GABRG1: variants seen among roughly 807,000 people sequenced by gnomAD.
The protein encoded by GABRG1 is gamma-aminobutyric acid type A receptor subunit gamma1.
GABRG1 carries 49 observed loss-of-function variants against 49.8 expected under a neutral mutation model. That is an observed-to-expected ratio of 0.98 (90% confidence interval 0.78 to 1.25). The LOEUF (loss-of-function observed/expected upper bound fraction) is 1.25. Ranked by LOEUF, GABRG1 falls within the 50% of genes most tolerant of loss-of-function variation. The pLI is 0.00. For missense variants in GABRG1, 552 were observed against 552.3 expected, an observed-to-expected ratio of 1.00 and a Z score of 0.01; for synonymous variants, 232 against 185.1, an observed-to-expected ratio of 1.25 and a Z score of -2.06.
chr4:46,086,482 C>T (rs1719757876), intron 2 of GABRG1, among the ~76,000 whole-genome samples: 1 of 151,404 alleles, frequency 6.6e-6, no homozygotes, highest in South Asian at 2.1e-4. Context: ...ATATCTTTAG[C>T]AGATTATGTA....
chr4:46,083,473 T>C (rs1719645774), intron 3 of GABRG1, among the ~76,000 whole-genome samples: 1 of 151,794 alleles, frequency 6.6e-6, no homozygotes, highest in African/African-American at 2.4e-5. Flanking sequence ...ACAAGCTTCC[T>C]ATTATGATGG....
chr4:46,110,705 A>C (rs1216501918), intron 1 of GABRG1, among the ~76,000 whole-genome samples: 2 of 151,220 alleles, frequency 1.3e-5, no homozygotes, highest in African/African-American at 4.8e-5. Flanking sequence ...CACCATATGC[A>C]AATGAATAAA....
chr4:46,104,730 T>C (rs1348772562), intron 1 of GABRG1, among the ~76,000 whole-genome samples: 1 of 151,506 alleles, frequency 6.6e-6, no homozygotes, highest in African/African-American at 2.4e-5. Flanking sequence ...AAACTTCATT[T>C]GACAAATGTC....
intron 8 of GABRG1, among the ~76,000 whole-genome samples, chr4:46,042,499 G>A (rs771310207): frequency 4.0e-5 from 6 of 151,742 alleles, no homozygotes; most frequent in African/African-American, 1.2e-4. Context: ...TAAATATAGC[G>A]CCAATTTTAT....
chr4:46,083,418 C>A (rs1052005737), intron 3 of GABRG1, among the ~76,000 whole-genome samples: 1 of 151,668 alleles, frequency 6.6e-6, no homozygotes, highest in Non-Finnish European at 1.5e-5. Flanking sequence ...TGTTTCCTGT[C>A]ATTTATCTTC....
chr4:46,098,810 G>T (rs539139842), intron 1 of GABRG1, among the ~76,000 whole-genome samples: 31 of 151,716 alleles, frequency 2.0e-4, no homozygotes, highest in African/African-American at 7.2e-4. Flanking sequence ...ATAAAAACCT[G>T]GATATCACAT....
chr4:46,073,074 CA>C (rs1719196586), intron 3 of GABRG1, among the ~76,000 whole-genome samples: 2 of 151,130 alleles, frequency 1.3e-5, no homozygotes, highest in Middle Eastern at 3.4e-3. Flanking sequence ...AATAATTATC[CA>C]AAAACATGCC....
rs1419159793 is a variant in GABRG1, at chr4:46,092,405, T to C, written c.253+4796A>G. On this transcript the variant is annotated intron_variant, in intron 2 of 8. Transcript: ENST00000295452. The stretch of plus-strand genomic sequence containing the variant: ...CTTACTGATTTATGATTAAATCTAA[T>C]AAAGTGCATATTTTACTGACTAAAA... Among the ~76,000 whole-genome samples the C allele has an allele frequency of 2.6e-5, 4 of 152,176 alleles. No individual in the cohort carries two copies. In the East Asian group the frequency reaches 7.8e-4, roughly 30 times the overall value.
At chr4:46,062,168 T>C (rs1718721511) in intron 5 of GABRG1, among the ~76,000 whole-genome samples, 2 of 151,732 alleles carry the variant, frequency 1.3e-5, no homozygotes, top group Non-Finnish European at 2.9e-5. Flanking sequence ...AGAATGATGA[T>C]TTCCAATTTC....
rs200739987 is a variant in GABRG1 at position 46,041,291 on chromosome 4, A to T, written c.1132-37T>A. On this transcript the variant is annotated intron_variant, in intron 8 of 8. Coordinates refer to ENST00000295452, the MANE Select transcript of GABRG1 (RefSeq NM_173536.4). ...AATAAATGAATTTTTGACATCAAAA[A>T]AGTAGCATAAGGAAAGATCAATTTG... The T allele has an allele frequency of 2.0e-4, 326 of 1,598,962 alleles. No individual in the cohort carries two copies. In the African/African-American group the frequency reaches 3.9e-3, roughly 19 times the overall value.
intron 1 of GABRG1, among the ~76,000 whole-genome samples, chr4:46,109,818 G>A (rs1720664303): frequency 2.0e-5 from 3 of 150,988 alleles, no homozygotes; most frequent in African/African-American, 4.8e-5. Flanking sequence ...ATAATTGTAT[G>A]GTTCCAAGAG....
chr4:46,046,461 C>T (rs1459617882), intron 8 of GABRG1, among the ~76,000 whole-genome samples: 2 of 152,096 alleles, frequency 1.3e-5, no homozygotes, highest in African/African-American at 4.8e-5. Context: ...TGCTGTATTT[C>T]ACATTTCACC....
chr4:46,049,224 G>A (rs1718120729), intron 8 of GABRG1, among the ~76,000 whole-genome samples: 1 of 151,894 alleles, frequency 6.6e-6, no homozygotes, highest in Non-Finnish European at 1.5e-5. Context: ...AAAGAAAAAT[G>A]TGGATTCCAG....
intron 1 of GABRG1, among the ~76,000 whole-genome samples, chr4:46,107,011 G>A (rs1273386827): frequency 6.6e-6 from 1 of 151,310 alleles, no homozygotes; most frequent in East Asian, 2.0e-4. Context: ...AGCACAGCAT[G>A]GAGAATGGTG....
At chr4:46,099,317 T>A (rs1720299837) in intron 1 of GABRG1, among the ~76,000 whole-genome samples, 1 of 151,668 alleles carries the variant, frequency 6.6e-6, no homozygotes, top group African/African-American at 2.4e-5. Flanking sequence ...GTTTATTACA[T>A]CTCTCTTGTC....
chr4:46,100,351 C>A (rs1720339233), intron 1 of GABRG1, among the ~76,000 whole-genome samples: 1 of 151,214 alleles, frequency 6.6e-6, no homozygotes, highest in Non-Finnish European at 1.5e-5. Flanking sequence ...GGGAAAGGAT[C>A]AGGAAAAATA....
At chr4:46,044,450 C>T (rs976725973) in intron 8 of GABRG1, among the ~76,000 whole-genome samples, 2 of 151,802 alleles carry the variant, frequency 1.3e-5, no homozygotes, top group African/African-American at 2.4e-5. Context: ...TACTGCATTC[C>T]AGCCTGGGTG....
At chr4:46,082,197 C>T (rs1719602419) in intron 3 of GABRG1, among the ~76,000 whole-genome samples, 1 of 151,608 alleles carries the variant, frequency 6.6e-6, no homozygotes, top group African/African-American at 2.4e-5. Context: ...TAATTTTGCT[C>T]TTCATTAGTA....
At chr4:46,067,110 A>G (rs1194517557) in intron 3 of GABRG1, among the ~76,000 whole-genome samples, 1 of 151,954 alleles carries the variant, frequency 6.6e-6, no homozygotes, top group Non-Finnish European at 1.5e-5. Context: ...CAATAAATGA[A>G]AAATGGAAAA....
Sources: allele counts gnomAD v4.1 joint callset (sites outside exome capture counted in the v4.1 genomes callset), GRCh38; gene constraint gnomAD v4.1.1; transcripts MANE v1.5; gene names NCBI Gene and HGNC (gene_info 2026-07-23, HGNC 2026-07-21).